Variants in APIP observed in about 807,000 individuals in gnomAD.
The protein encoded by APIP is APAF1 interacting protein.
A neutral mutation model predicts 32.0 loss-of-function variants in APIP; 32 were observed. That is an observed-to-expected ratio of 1.00 (90% CI 0.76 to 1.34). APIP has a LOEUF of 1.34. Ranked by LOEUF, APIP falls within the 40% of genes most tolerant of loss-of-function variation. APIP has a pLI of 0.00. For synonymous variants in APIP, 92 were observed against 94.8 expected (o/e 0.97, Z 0.17); for missense variants, 247 against 298.6 (o/e 0.83, Z 1.27).
At chr11:34,904,771 C>A (rs548667210) in intron 1 of APIP, among the ~76,000 whole-genome samples, 16 of 152,292 alleles carry the variant, frequency 1.1e-4, no homozygotes, top group Admixed American at 8.5e-4. Context: ...ATAAAAGTTA[C>A]AGGAATCGAC....
chr11:34,909,539 G>A (rs956355034), intron 1 of APIP, among the ~76,000 whole-genome samples: 2 of 152,040 alleles, frequency 1.3e-5, no homozygotes, highest in African/African-American at 2.4e-5. Flanking sequence ...GAATGAGTAC[G>A]TGTGTGTGTG....
At chr11:34,884,293 AG>A (rs1449146562) in intron 5 of APIP, among the ~76,000 whole-genome samples, 15 of 152,194 alleles carry the variant, frequency 9.9e-5, no homozygotes. Flanking sequence ...TTCTAGCTAA[AG>A]TATTCTGCAA....
intron 3 of APIP, among the ~76,000 whole-genome samples, chr11:34,890,251 CT>C (rs970686381): frequency 7.9e-5 from 12 of 152,102 alleles, no homozygotes; most frequent in African/African-American, 2.9e-4. Context: ...TATAATTGCT[CT>C]TTACTGTGAT....
chr11:34,883,266 T>C, intron 6 of APIP, 71 bp downstream of exon 6: 2 of 1,432,302 alleles, frequency 1.4e-6, no homozygotes, highest in Non-Finnish European at 1.9e-6. Context: ...TTAAACCAAC[T>C]GACATACTTT....
chr11:34,895,058 T>C lies in APIP; in HGVS notation c.110A>G (p.His37Arg), dbSNP rs757244492. Residue 37 changes from histidine (H) to arginine (R), a missense_variant, in exon 2 of 7, where the codon CAT becomes CGT. Coordinates refer to ENST00000395787, the MANE Select transcript of APIP (RefSeq NM_015957.4). ...LIPELCKQFYHLGWVTGTGGG... is the reference protein window; with the variant it reads ...LIPELCKQFYRLGWVTGTGGG... Reference sequence around the variant, plus strand: ...TCCAGTCCCAGTGACCCAGCCTAAATGGTAAAACTGTTTGCAAAGTTCTGG... The same window carrying C: ...TCCAGTCCCAGTGACCCAGCCTAAACGGTAAAACTGTTTGCAAAGTTCTGG... The C allele has an allele frequency of 7.4e-5, 120 of 1,614,008 alleles. 1 individual carries two copies. The highest frequency in any genetic ancestry group is 9.6e-5 in the Non-Finnish European group (113 of 1,180,002).
intron 3 of APIP, among the ~76,000 whole-genome samples, chr11:34,890,292 T>C (rs1853164171): frequency 1.3e-5 from 2 of 152,156 alleles, no homozygotes; most frequent in Non-Finnish European, 2.9e-5. Context: ...TTTTGCCCCC[T>C]ATAGGTTGAA....
intron 1 of APIP, 155 bp downstream of exon 1, chr11:34,916,073 A>T: frequency 2.0e-6 from 2 of 1,001,690 alleles, no homozygotes; most frequent in Non-Finnish European, 2.8e-6. Flanking sequence ...TCCGAACGCC[A>T]AGGTCGCGGT....
intron 1 of APIP, among the ~76,000 whole-genome samples, chr11:34,909,782 A>G (rs1853516904): frequency 6.6e-6 from 1 of 152,104 alleles, no homozygotes; most frequent in African/African-American, 2.4e-5. Flanking sequence ...ACACGGGGAG[A>G]AGGAGAGAAA....
At chr11:34,894,880 A>G (rs1444688138) in intron 2 of APIP, 130 bp downstream of exon 2, 1 of 776,984 alleles carries the variant, frequency 1.3e-6, no homozygotes, top group African/African-American at 1.7e-5. Flanking sequence ...CCACTTGTCC[A>G]TTTAGAAACT....
chr11:34,900,978 C>T (rs778544194), intron 1 of APIP, among the ~76,000 whole-genome samples: 5 of 146,962 alleles, frequency 3.4e-5, no homozygotes. Context: ...AGGGACAGCT[C>T]ATTCTCAAGG....
intron 1 of APIP, among the ~76,000 whole-genome samples, chr11:34,913,134 G>A (rs374934039): frequency 7.2e-5 from 11 of 152,250 alleles, no homozygotes; most frequent in East Asian, 5.8e-4. Context: ...TGCCTGCCAC[G>A]GCTTCCTAGT....
intron 1 of APIP, among the ~76,000 whole-genome samples, chr11:34,896,408 T>C (rs1275988395): frequency 6.6e-6 from 1 of 152,146 alleles, no homozygotes; most frequent in Non-Finnish European, 1.5e-5. Flanking sequence ...AAGGATGAGC[T>C]CACGTCCTTT....
chr11:34,902,270 C>G (rs570516207), intron 1 of APIP, among the ~76,000 whole-genome samples: 1 of 152,344 alleles, frequency 6.6e-6, no homozygotes, highest in East Asian at 1.9e-4. Flanking sequence ...AGATAGTCCT[C>G]ATCTGTTTGG....
intron 1 of APIP, chr11:34,896,684 TA>T: frequency 1.0e-6 from 1 of 983,690 alleles, no homozygotes; most frequent in Non-Finnish European, 1.4e-6. Context: ...AACAAACCTG[TA>T]AGTTCTGCAC....
intron 1 of APIP, among the ~76,000 whole-genome samples, chr11:34,896,160 A>G (rs964591100): frequency 1.3e-5 from 2 of 152,196 alleles, no homozygotes; most frequent in African/African-American, 4.8e-5. Flanking sequence ...TGGGAGTGTA[A>G]ATTAGTTCAA....
intron 1 of APIP, among the ~76,000 whole-genome samples, chr11:34,901,263 A>G (rs1346283189): frequency 6.6e-6 from 1 of 152,094 alleles, no homozygotes; most frequent in Admixed American, 6.5e-5. Flanking sequence ...AAGAATGTCC[A>G]GGTAGCAAGA....
At chr11:34,902,506 AG>A (rs1233070696) in intron 1 of APIP, among the ~76,000 whole-genome samples, 255 of 152,132 alleles carry the variant, frequency 1.7e-3, no homozygotes, top group African/African-American at 5.6e-3. Context: ...CAAGGGGACC[AG>A]AGTATTAGGG....
chr11:34,905,709 A>G (rs1590712995), intron 1 of APIP, among the ~76,000 whole-genome samples: 2 of 152,300 alleles, frequency 1.3e-5, no homozygotes, highest in African/African-American at 4.8e-5. Flanking sequence ...GGGCTTTCAG[A>G]ATCTAGCCTC....
intron 1 of APIP, among the ~76,000 whole-genome samples, chr11:34,896,468 A>C (rs183147065): frequency 1.2e-3 from 190 of 152,352 alleles, no homozygotes; most frequent in African/African-American, 4.3e-3. Context: ...AAACTAACAC[A>C]GGAGCAGAAA....
Sources: allele counts gnomAD v4.1 joint callset (sites outside exome capture counted in the v4.1 genomes callset), GRCh38; gene constraint gnomAD v4.1.1; transcripts MANE v1.5; gene names NCBI Gene and HGNC (gene_info 2026-07-23, HGNC 2026-07-21).